Variants in DHX16 observed in about 807,000 individuals in gnomAD.
The protein encoded by DHX16 is DEAH-box helicase 16, also known as pre-mRNA-splicing factor ATP-dependent RNA helicase DHX16.
Under a neutral mutation model 131.2 loss-of-function variants are expected in DHX16, and 81 were observed. The observed-to-expected ratio is 0.62, with a 90% CI of 0.52 to 0.74. DHX16 has a LOEUF of 0.74. DHX16 is among the 30% of genes least tolerant of loss of function. DHX16 has a pLI of 0.00. For missense variants in DHX16, 980 were observed against 1,363.1 expected, an observed-to-expected ratio of 0.72 and a Z score of 4.43; for synonymous variants, 440 against 520.2, an observed-to-expected ratio of 0.85 and a Z score of 2.10.
intron 4 of DHX16, among the ~76,000 whole-genome samples, chr6:30,666,765 G>A (rs1161411037): frequency 2.0e-5 from 3 of 152,008 alleles, no homozygotes; most frequent in African/African-American, 4.8e-5. Flanking sequence ...CTTAGCTCAC[G>A]CCATTGCACT....
Position 30,670,512 on chromosome 6 carries a change from C to T in DHX16, c.610-46G>A. On this transcript the variant is annotated intron_variant, in intron 3 of 19. Coordinates refer to ENST00000376442, the MANE Select transcript of DHX16 (RefSeq NM_003587.5). The surrounding 1 kb of genome is among the most constrained non-coding windows in gnomAD (Gnocchi z 4.4). Reference sequence around the variant, plus strand: ...GGAGGGGTGTGAGGCCAAAGAGCCCCCACACTGACAGCTGCTCCCCTCTAG... The same window carrying T: ...GGAGGGGTGTGAGGCCAAAGAGCCCTCACACTGACAGCTGCTCCCCTCTAG... 1.9e-6 allele frequency: 3 copies of T among 1,574,726 alleles called. No individual in the cohort carries two copies. The highest frequency in any genetic ancestry group is 2.6e-6 in the Non-Finnish European group (3 of 1,151,108).
chr6:30,655,087 C>G, intron 18 of DHX16, 88 bp downstream of exon 18: 1 of 1,552,232 alleles, frequency 6.4e-7, no homozygotes, highest in Non-Finnish European at 8.8e-7. Flanking sequence ...CATGCTCTCA[C>G]GCTGGAGGAA....
At chr6:30,657,581 T>C (rs1426913042) in intron 12 of DHX16, among the ~76,000 whole-genome samples, 1 of 151,986 alleles carries the variant, frequency 6.6e-6, no homozygotes, top group African/African-American at 2.4e-5. Context: ...AAAGCCTGGA[T>C]CACCTACCCC....
In DHX16 at chr6:30,662,743, C is replaced by CTGT. The variant is rs752963921; in HGVS notation, c.1429-2_1429-1insACA. On this transcript the variant is annotated splice_acceptor_variant, in intron 8 of 19. Coordinates refer to ENST00000376442, the MANE Select transcript of DHX16 (RefSeq NM_003587.5). LOFTEE classifies it high-confidence loss of function. This position sits in a 1 kb window ranked among gnomAD's most constrained non-coding sequence, Gnocchi z 4.7. ...CCTCAAAGCGGATGCTGTAGCCAAC[C>CTGT]TGGTCAAGGGAACCATTAGCAACCA... 11 of 1,612,488 alleles carry CTGT rather than the reference C, an allele frequency of 6.8e-6. No homozygotes were observed. Among genetic ancestry groups the CTGT allele is most frequent in the Non-Finnish European group, 9.3e-6 (11 of 1,179,806 alleles).
At chr6:30,658,267 G>A (rs769436781) in intron 12 of DHX16, among the ~76,000 whole-genome samples, 3 of 152,154 alleles carry the variant, frequency 2.0e-5, no homozygotes, top group Non-Finnish European at 2.9e-5. Context: ...TGTTGGCCAG[G>A]CATGGTGGCT....
rs61230047 is a variant in DHX16 at position 30,654,057 on chromosome 6, GCATGAGC to G, written c.2997+642_2997+648del. On this transcript the variant is annotated intron_variant, in intron 19 of 19. Transcript: ENST00000376442. ...TCACTTGAAACCGAAGGCGGAGGTT[GCATGAGC>G]TGAGATGGTGCCACTGCACTCCAGC... 4.0e-3 allele frequency among the ~76,000 whole-genome samples: 607 copies of G among 152,222 alleles called. 6 individuals are homozygous for G. Among genetic ancestry groups the G allele is most frequent in the East Asian group, 0.018 (93 of 5,176 alleles).
At position 30,659,516 on chromosome 6, in the gene DHX16, T is replaced by G; in HGVS notation, c.1963A>C (p.Met655Leu). 6.2e-7 allele frequency: 1 copy of G among 1,607,880 alleles called. No individual in the cohort carries two copies. Among genetic ancestry groups the G allele is most frequent in the East Asian group, 2.2e-5 (1 of 44,750 alleles). Residue 655 changes from methionine (M) to leucine (L), a missense_variant, in exon 12 of 20, where the codon ATG becomes CTG. By Grantham distance (15) the Met-to-Leu change is conservative. This residue lies in a region of DHX16 where 309 missense variants were observed against 537.1 expected (regional missense o/e 0.58). Coordinates refer to ENST00000376442, the MANE Select transcript of DHX16 (RefSeq NM_003587.5). ...GTGGGCTGGAAGATACGGGCCTGCA[T>G]GTCAGAGGGCAGATTGGCATAAATG... is the stretch of plus-strand genomic sequence containing the variant. ...LPIYANLPSD[M>L]QARIFQPTPP...
chr6:30,658,929 C>A (rs1199112165), intron 12 of DHX16, among the ~76,000 whole-genome samples: 1 of 151,924 alleles, frequency 6.6e-6, no homozygotes, highest in African/African-American at 2.4e-5. Context: ...CATTGTCACC[C>A]AGGCTGGAGT....
At position 30,670,680 on chromosome 6, in the gene DHX16, C is replaced by A; in HGVS notation, c.609+110G>T. The A allele has an allele frequency of 6.8e-7, 1 of 1,470,112 alleles. No individual in the cohort carries two copies. Among genetic ancestry groups the A allele is most frequent in the Non-Finnish European group, 9.3e-7 (1 of 1,073,508 alleles). 91.1% of individuals were successfully genotyped at this position (1,470,112 alleles called of 1,614,324 possible). ...TCTCACCACAGAGGTGAACATCTCA[C>A]TAGAGACAGCCCCTTGTCTTCCCAG... On this transcript the variant is annotated intron_variant, in intron 3 of 19. Transcript: ENST00000376442. The surrounding 1 kb of genome is among the most constrained non-coding windows in gnomAD (Gnocchi z 4.4).
At chr6:30,655,001 T>C in intron 18 of DHX16, 122 bp from the exon 19 acceptor site, 1 of 1,394,560 alleles carries the variant, frequency 7.2e-7, no homozygotes. Context: ...CATGAAGAAC[T>C]TCCCAGGAAT....
intron 9 of DHX16, among the ~76,000 whole-genome samples, chr6:30,661,326 G>A (rs947814757): frequency 5.3e-5 from 8 of 151,712 alleles, no homozygotes; most frequent in Non-Finnish European, 7.4e-5. Context: ...CTCGTGATCC[G>A]CCTGCCTCTG....
At chr6:30,663,655 A>C (rs1250198834) in intron 7 of DHX16, among the ~76,000 whole-genome samples, 1 of 149,128 alleles carries the variant, frequency 6.7e-6, no homozygotes, top group Non-Finnish European at 1.5e-5. Context: ...TGGGAGACAG[A>C]GGTTGCAGTA....
At position 30,670,526 on chromosome 6, in the gene DHX16, G is replaced by T; in HGVS notation, c.610-60C>A. On this transcript the variant is annotated intron_variant, in intron 3 of 19. Coordinates refer to ENST00000376442, the MANE Select transcript of DHX16 (RefSeq NM_003587.5). This position sits in a 1 kb window ranked among gnomAD's most constrained non-coding sequence, Gnocchi z 4.4. ...CCAAAGAGCCCCCACACTGACAGCT[G>T]CTCCCCTCTAGAATCACAAGGATCA... 6.5e-7 allele frequency: 1 copy of T among 1,537,550 alleles called. No individual in the cohort carries two copies. The highest frequency in any genetic ancestry group is 8.9e-7 in the Non-Finnish European group (1 of 1,122,044).
chr6:30,663,024 G>A lies in DHX16; in HGVS notation c.1318-3C>T. 7 of 1,598,124 alleles carry A rather than the reference G, an allele frequency of 4.4e-6. No homozygotes were observed. The highest frequency in any genetic ancestry group is 6.0e-6 in the Non-Finnish European group (7 of 1,173,358). On this transcript the variant is annotated splice_region_variant and splice_polypyrimidine_tract_variant and intron_variant, in intron 7 of 19. Coordinates refer to ENST00000376442, the MANE Select transcript of DHX16 (RefSeq NM_003587.5). ...TTCATACCCTTGTTTGTATAACCCT[G>A]AATGACAAAGAAAAAAGAAGAAGTT... is the stretch of plus-strand genomic sequence containing the variant.
At chr6:30,667,310 C>T (rs1181111822) in intron 4 of DHX16, among the ~76,000 whole-genome samples, 4 of 151,998 alleles carry the variant, frequency 2.6e-5, no homozygotes, top group Non-Finnish European at 5.9e-5. Context: ...CGGCCGGGCG[C>T]GGTGGCTCAC....
chr6:30,660,150 A>T lies in DHX16; in HGVS notation c.1637T>A (p.Leu546His). 5 of 1,606,454 alleles carry T rather than the reference A, an allele frequency of 3.1e-6. No individual in the cohort carries two copies. The highest frequency in any genetic ancestry group is 4.3e-6 in the Non-Finnish European group (5 of 1,176,374). The change falls in exon 10 of 20, where the codon CTC becomes CAC. Residue 546 changes from leucine (L) to histidine (H), a missense_variant. Leu to His is a moderately conservative substitution (Grantham distance 99). This residue lies in a region of DHX16 where 309 missense variants were observed against 537.1 expected (regional missense o/e 0.58). Transcript: ENST00000376442. ...TGTGGCTGAAGCCACCAGGACCTTG[A>T]GCTCAGGTCGGAAGCGAGCAACATC... The part of the protein sequence containing the change: ...IKDVARFRPE[L>H]KVLVASATMD...
intron 11 of DHX16, 51 bp from the exon 12 acceptor site, chr6:30,659,675 A>G: frequency 1.2e-6 from 2 of 1,613,104 alleles, no homozygotes; most frequent in Non-Finnish European, 1.7e-6. Context: ...ACAGAAGGCC[A>G]ACATGCCGGC....
Position 30,662,589 on chromosome 6 carries a change from TG to T in DHX16, c.1544+37del. The T allele has an allele frequency of 6.5e-7, 1 of 1,530,746 alleles. No individual in the cohort carries two copies. Among genetic ancestry groups the T allele is most frequent in the Non-Finnish European group, 9.0e-7 (1 of 1,112,306 alleles). The allele number at this position is 1,530,746 out of a possible 1,614,324, so 94.8% of individuals were successfully genotyped here. On this transcript the variant is annotated intron_variant, in intron 9 of 19. Transcript: ENST00000376442. The surrounding 1 kb of genome is among the most constrained non-coding windows in gnomAD (Gnocchi z 4.7). The stretch of plus-strand genomic sequence containing the variant: ...GAAGACAATGGCTGAATTGGCTGGG[TG>T]GGAAGAAGGGAGAGAAAGGCCAGAG...
intron 19 of DHX16, 62 bp from the exon 20 acceptor site, chr6:30,653,432 TA>T: frequency 6.5e-7 from 1 of 1,530,012 alleles, no homozygotes; most frequent in Non-Finnish European, 8.8e-7. Context: ...TTGTTGTTGT[TA>T]TTTTTTTTTC....
Sources: gnomAD v4.1 joint callset for allele counts (sites outside exome capture counted in the v4.1 genomes callset) on GRCh38, gnomAD v4.1.1 for gene constraint, gnomAD v4.1.1 regional missense constraint, Gnocchi (gnomAD v3.1) non-coding constraint, MANE v1.5 for transcripts, NCBI Gene and HGNC (gene_info 2026-07-23, HGNC 2026-07-21) for gene names.